The following KLF17 variants were observed in gnomAD, a reference collection of about 807,000 sequenced individuals.
KLF17 encodes the protein Krueppel-like factor 17.
KLF17 carries 31 observed loss-of-function variants against 34.2 expected under a neutral mutation model. The ratio of observed to expected loss-of-function variants is 0.91; its 90% CI spans 0.68 to 1.22. The LOEUF is 1.22. Among genes scored for constraint, KLF17 ranks in the 50% most tolerant of loss-of-function variants. The probability of loss-of-function intolerance (pLI) is 0.00; values close to 1 mark genes in which losing one functional copy is unlikely to be tolerated. For missense variants in KLF17, 478 were observed against 505.2 expected (o/e 0.95, Z 0.52); for synonymous variants, 179 against 186.7 (o/e 0.96, Z 0.34).
At chr1:44,119,013 A>G in intron 1 of KLF17, 25 bp downstream of exon 1, 3 of 1,578,698 alleles carry the variant, frequency 1.9e-6, no homozygotes, top group Non-Finnish European at 2.6e-6. Context: ...AGCCCCTGGC[A>G]GGCCGGGCGG....
the KLF17 span, chr1:44,106,628 ATATAAC>A: frequency 6.6e-6 from 1 of 152,202 alleles, no homozygotes; most frequent in Non-Finnish European, 1.5e-5. Context: ...AAGATTTCAG[ATATAAC>A]TTATTCACTG....
the KLF17 span, among the ~76,000 whole-genome samples, chr1:44,062,122 A>G: frequency 3.3e-5 from 5 of 152,176 alleles, no homozygotes; most frequent in African/African-American, 1.2e-4. Flanking sequence ...ATAAGCCCCA[A>G]TTTGGGATTT....
At chr1:44,125,981 AT>A (rs1426165708) in intron 1 of KLF17, among the ~76,000 whole-genome samples, 4 of 151,754 alleles carry the variant, frequency 2.6e-5, no homozygotes, top group Admixed American at 6.7e-5. Flanking sequence ...CAGGATATAG[AT>A]TCCCTAATAG....
the KLF17 span, among the ~76,000 whole-genome samples, chr1:44,091,961 ACTCTCTCTCT>A: frequency 1.1e-4 from 13 of 116,554 alleles, 1 homozygote; most frequent in African/African-American, 3.9e-4. Flanking sequence ...ACACACACAC[ACTCTCTCTCT>A]CTCTCTCTCT....
At chr1:44,047,695 G>A in the KLF17 span, among the ~76,000 whole-genome samples, 1 of 152,150 alleles carries the variant, frequency 6.6e-6, no homozygotes, top group Non-Finnish European at 1.5e-5. Context: ...ACGAGTCGGG[G>A]TGCTACTTCC....
At chr1:44,053,442 TC>T in the KLF17 span, among the ~76,000 whole-genome samples, 1 of 152,016 alleles carries the variant, frequency 6.6e-6, no homozygotes, top group Non-Finnish European at 1.5e-5. Flanking sequence ...TTGAAGCCTC[TC>T]CAGTCCCCTA....
At chr1:44,055,241 G>C in the KLF17 span, among the ~76,000 whole-genome samples, 4 of 152,144 alleles carry the variant, frequency 2.6e-5, no homozygotes, top group Non-Finnish European at 4.4e-5. Flanking sequence ...CTCCATAGAG[G>C]AGTCTTTGGT....
chr1:44,058,073 A>G, the KLF17 span, among the ~76,000 whole-genome samples: 1 of 152,246 alleles, frequency 6.6e-6, no homozygotes, highest in African/African-American at 2.4e-5. Flanking sequence ...GATTTGGATT[A>G]CCTAAAAGTC....
the KLF17 span, chr1:44,103,727 G>C: frequency 2.8e-6 from 4 of 1,447,352 alleles, no homozygotes; most frequent in African/African-American, 1.4e-5. Flanking sequence ...ACAGCTTGGC[G>C]TTGGCACCCT....
At chr1:44,091,211 C>T in the KLF17 span, among the ~76,000 whole-genome samples, 1 of 150,916 alleles carries the variant, frequency 6.6e-6, no homozygotes, top group South Asian at 2.1e-4. Flanking sequence ...CTATATTTTC[C>T]AAAACAAAAA....
Position 44,130,004 on chromosome 1 carries a change from T to C in KLF17, c.733T>C (p.Ser245Pro), listed in dbSNP as rs1327763250. 3 of 1,614,016 alleles carry C rather than the reference T, an allele frequency of 1.9e-6. No individual in the cohort carries two copies. The highest frequency in any genetic ancestry group is 1.6e-4 in the Middle Eastern group (1 of 6,084). Residue 245 changes from serine to proline, a missense_variant, in exon 2 of 4, where the codon TCT (serine) becomes CCT (proline). Coordinates refer to ENST00000372299, the MANE Select transcript of KLF17 (RefSeq NM_173484.4). ...GGACTCTCTTGTCAGTCAGCCAGAC[T>C]CTCAAGAAGGCCCATTTCTACCAGA... ...SQDSLVSQPD[S>P]QEGPFLPEQP... is the part of the protein sequence containing the mutation.
At chr1:44,122,147 G>C in intron 1 of KLF17, 2 of 1,531,000 alleles carry the variant, frequency 1.3e-6, no homozygotes, top group Non-Finnish European at 1.8e-6. Flanking sequence ...GTAATCCTGA[G>C]AGACATTATC....
the KLF17 span, among the ~76,000 whole-genome samples, chr1:44,112,335 C>T: frequency 6.6e-6 from 1 of 152,316 alleles, no homozygotes; most frequent in Middle Eastern, 3.4e-3. Flanking sequence ...CATCTCCCAC[C>T]AAACCTCCAG....
At chr1:44,099,793 C>T in the KLF17 span, among the ~76,000 whole-genome samples, 69 of 144,072 alleles carry the variant, frequency 4.8e-4, no homozygotes, top group Non-Finnish European at 8.4e-4. Context: ...CCAGCCTGGG[C>T]GACAGAGTGA....
chr1:44,102,604 ACACACAC>A, the KLF17 span, among the ~76,000 whole-genome samples: 1 of 133,396 alleles, frequency 7.5e-6, no homozygotes, highest in Admixed American at 7.8e-5. Context: ...ACACACACAC[ACACACAC>A]ACAGAAAAGA....
At chr1:44,050,639 G>A in the KLF17 span, among the ~76,000 whole-genome samples, 5 of 152,116 alleles carry the variant, frequency 3.3e-5, no homozygotes, top group Non-Finnish European at 5.9e-5. Flanking sequence ...TTTCTTGGCC[G>A]GCCACAGTGG....
chr1:44,129,472 GCTGGGGTCCCCT>G lies in KLF17; in HGVS notation c.202_213del (p.Gly69_Leu72del). ...AGCACTTTCCTCACAGCGCAGAGAT[GCTGGGGTCCCCT>G]TTGGTGTCTGTTGAGGCGCCGGGGC... On this transcript the variant is annotated inframe_deletion, in exon 2 of 4. Coordinates refer to ENST00000372299, the MANE Select transcript of KLF17 (RefSeq NM_173484.4). 1.9e-6 allele frequency: 3 copies of G among 1,611,302 alleles called. No individual in the cohort carries two copies. Among genetic ancestry groups the G allele is most frequent in the Non-Finnish European group, 2.5e-6 (3 of 1,178,398 alleles).
At chr1:44,093,182 CTT>C in the KLF17 span, among the ~76,000 whole-genome samples, 1 of 152,166 alleles carries the variant, frequency 6.6e-6, no homozygotes, top group Non-Finnish European at 1.5e-5. Flanking sequence ...GGAAGAAAGA[CTT>C]CTCCTCTACC....
intron 1 of KLF17, among the ~76,000 whole-genome samples, chr1:44,125,820 T>TG (rs1409687267): frequency 6.6e-6 from 1 of 151,974 alleles, no homozygotes; most frequent in Non-Finnish European, 1.5e-5. Flanking sequence ...TTTATCCTAC[T>TG]TGAATTTTGT....
Sources: gnomAD v4.1 joint callset for allele counts (sites outside exome capture counted in the v4.1 genomes callset) on GRCh38, gnomAD v4.1.1 for gene constraint, MANE v1.5 for transcripts, NCBI Gene and HGNC (gene_info 2026-07-23, HGNC 2026-07-21) for gene names.